Variants in DCT observed in about 807,000 individuals in gnomAD.
The protein encoded by DCT is dopachrome tautomerase, also known as L-dopachrome tautomerase.
DCT carries 47 observed loss-of-function variants against 53.0 expected under a neutral mutation model. The ratio of observed to expected loss-of-function variants is 0.89; its 90% confidence interval spans 0.70 to 1.13. DCT has a LOEUF of 1.13. DCT is among the 50% of genes most tolerant of loss of function. The pLI is 0.00. For synonymous variants in DCT, 244 were observed against 237.0 expected, an observed-to-expected ratio of 1.03 and a Z score of -0.27; for missense variants, 669 against 637.4, an observed-to-expected ratio of 1.05 and a Z score of -0.53.
At chr13:94,464,485 C>T (rs1189718944) in intron 4 of DCT, among the ~76,000 whole-genome samples, 3 of 151,932 alleles carry the variant, frequency 2.0e-5, no homozygotes, top group Non-Finnish European at 4.4e-5. Context: ...ACTAAAAATA[C>T]AAAAATTAGC....
intron 1 of DCT, among the ~76,000 whole-genome samples, chr13:94,478,076 T>C (rs1337823275): frequency 6.6e-6 from 1 of 152,104 alleles, no homozygotes; most frequent in Non-Finnish European, 1.5e-5. Flanking sequence ...GGAAGGACAC[T>C]GAGCAAATTT....
At position 94,456,251 on chromosome 13, in the gene DCT, A is replaced by T. The variant is rs911330865; in HGVS notation, c.1179+3840T>A. 2.6e-5 allele frequency among the ~76,000 whole-genome samples: 4 copies of T among 152,304 alleles called. No individual in the cohort carries two copies. The South Asian group carries it at 8.3e-4, about 32-fold the overall frequency. On this transcript the variant is annotated intron_variant, in intron 6 of 7. Transcript: ENST00000377028. ...TTTTTTAGAAGGAAAGAACAACTCT[A>T]CCAACTAATTCCGTCTCAGGATTTC...
At chr13:94,548,225 G>A in the DCT span, among the ~76,000 whole-genome samples, 1 of 151,936 alleles carries the variant, frequency 6.6e-6, no homozygotes, top group Non-Finnish European at 1.5e-5. Flanking sequence ...AGGCTGTTAT[G>A]TATAAAATGG....
Position 94,443,446 on chromosome 13 carries a change from G to A in DCT, c.1371C>T (p.Ile457=), listed in dbSNP as rs1223647833. ...TSDQLGYSYA[I]DLPVSVEETP... ...AGTTGTGTTAGTTACCTGGCAGATC[G>A]ATGGCATAGCTGTAGCCAAGTTGGT... The change falls in exon 7 of 8, where the codon ATC becomes ATT. Residue 457 remains isoleucine, a synonymous_variant. Transcript: ENST00000377028. The A allele has an allele frequency of 4.3e-6, 7 of 1,612,438 alleles. No homozygotes were observed. Among genetic ancestry groups the A allele is most frequent in the East Asian group, 2.2e-5 (1 of 44,862 alleles).
the DCT span, among the ~76,000 whole-genome samples, chr13:94,502,850 G>A: frequency 1.3e-5 from 2 of 152,096 alleles, no homozygotes; most frequent in South Asian, 4.1e-4. Context: ...CAAATCCTCT[G>A]ACTTCCAGCC....
the DCT span, among the ~76,000 whole-genome samples, chr13:94,532,625 A>G: frequency 2.6e-3 from 403 of 152,242 alleles, no homozygotes; most frequent in African/African-American, 9.5e-3. Flanking sequence ...ATCACACACC[A>G]GGGCCTGTCA....
chr13:94,489,022 C>A, the DCT span, among the ~76,000 whole-genome samples: 12 of 152,022 alleles, frequency 7.9e-5, no homozygotes, highest in Admixed American at 7.9e-4. Flanking sequence ...TCTATCTGCC[C>A]ATCTGTGTGT....
At chr13:94,454,969 A>G (rs538401256) in intron 6 of DCT, among the ~76,000 whole-genome samples, 1 of 152,330 alleles carries the variant, frequency 6.6e-6, no homozygotes, top group African/African-American at 2.4e-5. Context: ...CATTAAGCAC[A>G]TTAGAAACAA....
intron 2 of DCT, 145 bp from the exon 3 acceptor site, chr13:94,466,803 C>A: frequency 2.3e-6 from 1 of 440,600 alleles, no homozygotes. Context: ...ATTTATATCT[C>A]CAAAAGCAAT....
chr13:94,461,804 G>A (rs1300703164), intron 5 of DCT, among the ~76,000 whole-genome samples: 1 of 152,094 alleles, frequency 6.6e-6, no homozygotes, highest in Non-Finnish European at 1.5e-5. Context: ...TAAGTTAGAA[G>A]GTATTAAAAC....
the DCT span, among the ~76,000 whole-genome samples, chr13:94,502,694 T>C: frequency 6.6e-6 from 1 of 152,134 alleles, no homozygotes; most frequent in Non-Finnish European, 1.5e-5. Context: ...TCATTCTCCT[T>C]GTGTCCTCCT....
chr13:94,542,485 G>A, the DCT span, among the ~76,000 whole-genome samples: 1 of 152,066 alleles, frequency 6.6e-6, no homozygotes, highest in Non-Finnish European at 1.5e-5. Context: ...GGGATTACAG[G>A]GCCACAGCAC....
the DCT span, among the ~76,000 whole-genome samples, chr13:94,497,360 A>G: frequency 2.6e-5 from 4 of 152,158 alleles, no homozygotes; most frequent in Non-Finnish European, 4.4e-5. Context: ...CCTTAAAATA[A>G]ATCTGTCTCT....
At chr13:94,477,327 C>T (rs1042731066) in intron 1 of DCT, among the ~76,000 whole-genome samples, 5 of 152,120 alleles carry the variant, frequency 3.3e-5, no homozygotes, top group African/African-American at 1.2e-4. Flanking sequence ...AACTCCTGAC[C>T]TCAAAGTGAC....
At position 94,440,077 on chromosome 13, in the gene DCT, C is replaced by T. The variant is rs947515997; in HGVS notation, c.1382-1G>A. 6.2e-7 allele frequency: 1 copy of T among 1,612,882 alleles called. No homozygotes were observed. On this transcript the variant is annotated splice_acceptor_variant, in intron 7 of 7. Coordinates refer to ENST00000377028, the MANE Select transcript of DCT (RefSeq NM_001922.5). LOFTEE classifies it high-confidence loss of function. Reference sequence around the variant, plus strand: ...CAACCTGGAGTTTCTTCAACTGAAACTAAAGCAGAAGAGAAGGGTCTACAA... The same window carrying T: ...CAACCTGGAGTTTCTTCAACTGAAATTAAAGCAGAAGAGAAGGGTCTACAA...
chr13:94,503,204 C>T, the DCT span, among the ~76,000 whole-genome samples: 2 of 152,022 alleles, frequency 1.3e-5, no homozygotes, highest in Admixed American at 1.3e-4. Context: ...ATAGCAAAAA[C>T]CCCATCTCTA....
At chr13:94,521,606 G>A in the DCT span, among the ~76,000 whole-genome samples, 1 of 152,190 alleles carries the variant, frequency 6.6e-6, no homozygotes, top group Non-Finnish European at 1.5e-5. Context: ...GAAGGTGGAG[G>A]TTGCAGTGAG....
At chr13:94,490,532 C>CAAAA in the DCT span, among the ~76,000 whole-genome samples, 1 of 57,786 alleles carries the variant, frequency 1.7e-5, no homozygotes, top group African/African-American at 6.7e-5. Context: ...AAAAAAAAAA[C>CAAAA]AACTAACCAT....
At chr13:94,486,837 C>A in the DCT span, among the ~76,000 whole-genome samples, 6 of 152,126 alleles carry the variant, frequency 3.9e-5, no homozygotes, top group African/African-American at 1.4e-4. Context: ...TTCTGGGATT[C>A]TTATTTTATC....
Sources: allele counts gnomAD v4.1 joint callset (sites outside exome capture counted in the v4.1 genomes callset), GRCh38; gene constraint gnomAD v4.1.1; transcripts MANE v1.5; gene names NCBI Gene and HGNC (gene_info 2026-07-23, HGNC 2026-07-21).